The following SETBP1 variants were observed in gnomAD, a reference collection of about 807,000 sequenced individuals.
SETBP1 encodes the protein SET-binding protein.
In SETBP1, 9 loss-of-function variants were observed where a neutral mutation model predicts 101.0. The ratio of observed to expected loss-of-function variants is 0.09; its 90% CI spans 0.05 to 0.16. SETBP1 has a LOEUF of 0.16. Among genes scored for constraint, SETBP1 ranks in the 10% least tolerant of loss-of-function variants. The pLI is 1.00. For synonymous variants in SETBP1, 818 were observed against 788.5 expected, an observed-to-expected ratio of 1.04 and a Z score of -0.63; for missense variants, 1,858 against 2,033.8, an observed-to-expected ratio of 0.91 and a Z score of 1.66.
intron 2 of SETBP1, among the ~76,000 whole-genome samples, chr18:44,850,084 CA>C (rs2072816646): frequency 6.6e-6 from 1 of 152,166 alleles, no homozygotes; most frequent in South Asian, 2.1e-4. Flanking sequence ...ATTCTTGGTG[CA>C]GAGGACCCCA....
At chr18:44,984,540 C>A (rs1397989813) in intron 4 of SETBP1, among the ~76,000 whole-genome samples, 1 of 152,166 alleles carries the variant, frequency 6.6e-6, no homozygotes, top group East Asian at 1.9e-4. Flanking sequence ...CAGGTCCTAA[C>A]AGCATACCAG....
chr18:44,831,714 A>G (rs374137287), intron 2 of SETBP1, among the ~76,000 whole-genome samples: 4 of 152,254 alleles, frequency 2.6e-5, no homozygotes, highest in East Asian at 1.9e-4. Flanking sequence ...TGCCATATAC[A>G]TGTTCTATAA....
chr18:44,745,683 G>A (rs1274092383), intron 2 of SETBP1, among the ~76,000 whole-genome samples: 2 of 152,190 alleles, frequency 1.3e-5, no homozygotes, highest in South Asian at 2.1e-4. Context: ...GGGAGGCAGG[G>A]TTCAGACTCT....
chr18:44,830,905 T>C (rs1271648968), intron 2 of SETBP1, among the ~76,000 whole-genome samples: 1 of 152,226 alleles, frequency 6.6e-6, no homozygotes, highest in African/African-American at 2.4e-5. Context: ...TTGAAGTGTT[T>C]CCTTGGTTTC....
chr18:45,023,033 A>G (rs574606220), intron 4 of SETBP1, among the ~76,000 whole-genome samples: 1 of 152,280 alleles, frequency 6.6e-6, no homozygotes, highest in East Asian at 1.9e-4. Context: ...AGTAGCTTGT[A>G]GAACTGTGAT....
chr18:44,713,829 G>A (rs2069399365), intron 2 of SETBP1, among the ~76,000 whole-genome samples: 1 of 152,148 alleles, frequency 6.6e-6, no homozygotes, highest in Admixed American at 6.5e-5. Flanking sequence ...TCATCTCTTT[G>A]TGCACAGTTC....
In SETBP1 at chr18:45,063,913, C is replaced by T; in HGVS notation, c.*215C>T. The T allele has an allele frequency of 1.9e-6, 1 of 535,942 alleles. No individual in the cohort carries two copies. The highest frequency in any genetic ancestry group is 3.4e-6 in the Non-Finnish European group (1 of 296,990). The allele number at this position is 535,942 out of a possible 1,614,324, so 33.2% of individuals were successfully genotyped here. ...CACCTTCAGAAGAAGCTTGTCTGAG[C>T]TTCACCGCAGCTCCCACCACGCGGC... On this transcript the variant is annotated 3_prime_UTR_variant, in exon 6 of 6. Coordinates refer to ENST00000649279, the MANE Select transcript of SETBP1 (RefSeq NM_015559.3).
At chr18:44,777,159 A>G (rs1006875067) in intron 2 of SETBP1, among the ~76,000 whole-genome samples, 1 of 152,190 alleles carries the variant, frequency 6.6e-6, no homozygotes, top group Non-Finnish European at 1.5e-5. Flanking sequence ...TCTACAAAAA[A>G]TTAAAAAATT....
At chr18:44,886,857 A>G (rs1360332505) in intron 3 of SETBP1, among the ~76,000 whole-genome samples, 1 of 151,798 alleles carries the variant, frequency 6.6e-6, no homozygotes, top group Non-Finnish European at 1.5e-5. Flanking sequence ...TAAAGTCCCA[A>G]AGAGTTTCCC....
chr18:45,044,700 C>T (rs1173113010), intron 5 of SETBP1, among the ~76,000 whole-genome samples: 1 of 152,186 alleles, frequency 6.6e-6, no homozygotes, highest in African/African-American at 2.4e-5. Context: ...AACCAAATTT[C>T]AACTCCTTTG....
chr18:45,009,852 T>G (rs1174141557), intron 4 of SETBP1, among the ~76,000 whole-genome samples: 1 of 152,148 alleles, frequency 6.6e-6, no homozygotes, highest in Admixed American at 6.5e-5. Context: ...CCTTATTCTT[T>G]CCAATCTACC....
intron 3 of SETBP1, among the ~76,000 whole-genome samples, chr18:44,943,183 G>A (rs1026931460): frequency 6.6e-6 from 1 of 152,168 alleles, no homozygotes; most frequent in African/African-American, 2.4e-5. Context: ...TCCTGTTCAT[G>A]AGCATAAATG....
intron 4 of SETBP1, among the ~76,000 whole-genome samples, chr18:45,032,662 T>A (rs954417248): frequency 2.0e-5 from 3 of 152,200 alleles, no homozygotes; most frequent in Admixed American, 2.0e-4. Context: ...AAATCCATCC[T>A]GTGTTCCTCT....
At chr18:44,922,996 T>C (rs1445491861) in intron 3 of SETBP1, among the ~76,000 whole-genome samples, 2 of 152,174 alleles carry the variant, frequency 1.3e-5, no homozygotes, top group African/African-American at 2.4e-5. Flanking sequence ...TCTCAAACCA[T>C]GGATTAACCT....
intron 2 of SETBP1, among the ~76,000 whole-genome samples, chr18:44,754,340 T>A (rs568989093): frequency 4.6e-5 from 7 of 152,354 alleles, no homozygotes; most frequent in Admixed American, 2.0e-4. Context: ...CCTAGTCTTC[T>A]TAGGCTGTGT....
At chr18:45,043,372 C>G (rs2073548491) in intron 5 of SETBP1, among the ~76,000 whole-genome samples, 1 of 151,356 alleles carries the variant, frequency 6.6e-6, no homozygotes. Flanking sequence ...CTCTCACACA[C>G]TCACACACTC....
chr18:44,786,299 A>G (rs181668803), intron 2 of SETBP1, among the ~76,000 whole-genome samples: 187 of 152,346 alleles, frequency 1.2e-3, no homozygotes, highest in Admixed American at 3.2e-3. Context: ...TGCATAAAGA[A>G]GACACACACA....
chr18:44,947,292 C>T (rs569168400), intron 3 of SETBP1, among the ~76,000 whole-genome samples: 88 of 151,848 alleles, frequency 5.8e-4, no homozygotes, highest in Non-Finnish European at 1.1e-3. Context: ...TGTTAGGTAC[C>T]AAGAGTAAGA....
intron 3 of SETBP1, among the ~76,000 whole-genome samples, chr18:44,882,145 C>T (rs1033469080): frequency 1.6e-4 from 25 of 152,174 alleles, no homozygotes; most frequent in African/African-American, 5.8e-4. Flanking sequence ...GAGATATCTA[C>T]TGCTGTCCCC....
Sources: gnomAD v4.1 joint callset for allele counts (sites outside exome capture counted in the v4.1 genomes callset) on GRCh38, gnomAD v4.1.1 for gene constraint, MANE v1.5 for transcripts, NCBI Gene and HGNC (gene_info 2026-07-23, HGNC 2026-07-21) for gene names.